EFCAB7: variants seen among roughly 807,000 people sequenced by gnomAD.
EFCAB7 encodes EF-hand calcium-binding domain-containing protein 7.
In EFCAB7, 66 loss-of-function variants were observed where a neutral mutation model predicts 77.1. The observed-to-expected ratio is 0.86, with a 90% CI of 0.70 to 1.05. The LOEUF (loss-of-function observed/expected upper bound fraction) is 1.05, where lower values mean the gene tolerates loss of function less well. EFCAB7 is among the 50% of genes least tolerant of loss of function. The pLI is 0.00. For synonymous variants in EFCAB7, 225 were observed against 243.3 expected (o/e 0.92, Z 0.70); for missense variants, 638 against 730.5 (o/e 0.87, Z 1.46).
intron 6 of EFCAB7, among the ~76,000 whole-genome samples, chr1:63,544,484 C>T (rs1248773367): frequency 6.6e-6 from 1 of 152,216 alleles, no homozygotes; most frequent in African/African-American, 2.4e-5. Context: ...ATGATCTTGG[C>T]TCACTGCAAC....
At chr1:63,538,721 G>A (rs375062124) in intron 6 of EFCAB7, among the ~76,000 whole-genome samples, 11 of 152,278 alleles carry the variant, frequency 7.2e-5, no homozygotes, top group East Asian at 1.9e-4. Flanking sequence ...AAGTGCTGGG[G>A]ATTACAGGCG....
intron 6 of EFCAB7, among the ~76,000 whole-genome samples, chr1:63,535,127 T>C (rs761019405): frequency 4.6e-5 from 7 of 152,104 alleles, no homozygotes; most frequent in Non-Finnish European, 1.0e-4. Context: ...AATTATGGTT[T>C]ACCTGATTCA....
chr1:63,558,168 T>G (rs968199087), intron 10 of EFCAB7, among the ~76,000 whole-genome samples: 1 of 152,226 alleles, frequency 6.6e-6, no homozygotes, highest in Non-Finnish European at 1.5e-5. Flanking sequence ...ATATACATAA[T>G]AGAGTATTAC....
chr1:63,554,869 C>A (rs998647196), intron 8 of EFCAB7, among the ~76,000 whole-genome samples: 2 of 152,028 alleles, frequency 1.3e-5, no homozygotes, highest in Admixed American at 6.5e-5. Context: ...AAATAGTAAA[C>A]CATTTCAAAA....
chr1:63,549,432 TG>T (rs1646939556), intron 7 of EFCAB7: 3 of 465,858 alleles, frequency 6.4e-6, no homozygotes, highest in South Asian at 4.7e-5. Context: ...GTCTGTTACT[TG>T]GAGTATGGAT....
At chr1:63,583,466 T>TACACC in the EFCAB7 span, among the ~76,000 whole-genome samples, 1 of 152,160 alleles carries the variant, frequency 6.6e-6, no homozygotes, top group Admixed American at 6.5e-5. Context: ...TTTTACAGTT[T>TACACC]TTTTGATCTG....
chr1:63,555,934 C>T (rs367722610), intron 9 of EFCAB7, among the ~76,000 whole-genome samples: 4 of 152,084 alleles, frequency 2.6e-5, no homozygotes, highest in Admixed American at 1.3e-4. Flanking sequence ...ATGGGAGTCT[C>T]GCTATGTTGC....
intron 6 of EFCAB7, among the ~76,000 whole-genome samples, chr1:63,535,170 A>G (rs1646748675): frequency 6.6e-6 from 1 of 152,086 alleles, no homozygotes; most frequent in Non-Finnish European, 1.5e-5. Flanking sequence ...TAGCCACTGT[A>G]AAGAGAGATA....
intron 7 of EFCAB7, among the ~76,000 whole-genome samples, chr1:63,546,288 T>C (rs1055302868): frequency 2.0e-5 from 3 of 152,186 alleles, no homozygotes; most frequent in African/African-American, 7.2e-5. Flanking sequence ...ATAAGAACTT[T>C]TTCCAAACTT....
intron 13 of EFCAB7, 44 bp downstream of exon 13, chr1:63,571,172 T>C: frequency 7.1e-7 from 1 of 1,416,102 alleles, no homozygotes; most frequent in South Asian, 1.2e-5. Flanking sequence ...TTTATGTCTT[T>C]GAAAAAAATT....
At chr1:63,568,633 GT>G in intron 12 of EFCAB7, 114 bp downstream of exon 12, 1 of 711,526 alleles carries the variant, frequency 1.4e-6, no homozygotes, top group Non-Finnish European at 2.2e-6. Flanking sequence ...CATTAATAAT[GT>G]TTATAATGCA....
rs149784056 is a variant in EFCAB7, at chr1:63,572,503, C to T, written c.1877C>T (p.Ser626Phe). 464 of 1,495,646 alleles carry T rather than the reference C, an allele frequency of 3.1e-4. No individual in the cohort carries two copies. The highest frequency in any genetic ancestry group is 8.0e-4 in the Middle Eastern group (4 of 5,000). The allele number at this position is 1,495,646 out of a possible 1,614,324, so 92.6% of individuals were successfully genotyped here. A position where few individuals can be genotyped will look rare whatever the true frequency, so the allele number is the denominator to read the frequency against. Residue 626 changes from serine (S) to phenylalanine (F), a missense_variant, in exon 14 of 14, where the codon TCT becomes TTT. Coordinates refer to ENST00000371088, the MANE Select transcript of EFCAB7 (RefSeq NM_032437.4). ...RQEWIYYCIY[S>F]LIS ...GAATGGATATATTATTGTATATATT[C>T]TCTTATTTCTTAAATAATTATACTT...
At chr1:63,541,101 G>T (rs1385764224) in intron 6 of EFCAB7, among the ~76,000 whole-genome samples, 1 of 152,112 alleles carries the variant, frequency 6.6e-6, no homozygotes, top group African/African-American at 2.4e-5. Flanking sequence ...ATAAACACAT[G>T]AGGGAAATGT....
Position 63,551,784 on chromosome 1 carries a change from A to G in EFCAB7, c.1006A>G (p.Ser336Gly). 6.3e-7 allele frequency: 1 copy of G among 1,591,948 alleles called. No homozygotes were observed. Among genetic ancestry groups the G allele is most frequent in the Non-Finnish European group, 8.6e-7 (1 of 1,168,710 alleles). Residue 336 changes from serine to glycine, a missense_variant, in exon 8 of 14, where the codon AGT becomes GGT. Coordinates refer to ENST00000371088, the MANE Select transcript of EFCAB7 (RefSeq NM_032437.4). The stretch of plus-strand genomic sequence containing the variant: ...CTTGTATATTCTCAAGGAAAATGAG[A>G]GTCAAGCAAATCTACAGCTTGTGTG... Reference protein sequence around the residue: ...TALYILKENESQANLQLVCFT... With the variant: ...TALYILKENEGQANLQLVCFT...
At chr1:63,551,939 C>A in intron 8 of EFCAB7, 105 bp downstream of exon 8, 1 of 486,736 alleles carries the variant, frequency 2.1e-6, no homozygotes, top group Non-Finnish European at 3.4e-6. Context: ...CATATACCTT[C>A]CAATTAAGGT....
At chr1:63,584,132 T>A in the EFCAB7 span, among the ~76,000 whole-genome samples, 1 of 152,192 alleles carries the variant, frequency 6.6e-6, no homozygotes. Context: ...CAGTCTGGCA[T>A]AAGGGTTCTG....
intron 1 of EFCAB7, 134 bp from the exon 2 acceptor site, chr1:63,525,438 T>C (rs894602566): frequency 1.6e-6 from 1 of 629,834 alleles, no homozygotes; most frequent in Non-Finnish European, 2.5e-6. Context: ...AATATCTTGA[T>C]CTTTTCATAT....
At chr1:63,558,620 A>C (rs137978692) in intron 10 of EFCAB7, among the ~76,000 whole-genome samples, 156 of 152,324 alleles carry the variant, frequency 1.0e-3, no homozygotes, top group African/African-American at 3.3e-3. Flanking sequence ...TTGCAAAGAA[A>C]TGAGAGCTTT....
At chr1:63,560,111 C>T (rs1322254820) in intron 10 of EFCAB7, among the ~76,000 whole-genome samples, 1 of 151,998 alleles carries the variant, frequency 6.6e-6, no homozygotes, top group African/African-American at 2.4e-5. Context: ...CGCCACCACG[C>T]CCGGCTAATT....
Sources: allele counts gnomAD v4.1 joint callset (sites outside exome capture counted in the v4.1 genomes callset), GRCh38; gene constraint gnomAD v4.1.1; transcripts MANE v1.5; gene names NCBI Gene and HGNC (gene_info 2026-07-23, HGNC 2026-07-21).